Variants in EPG5 observed in about 807,000 individuals in gnomAD.
EPG5 encodes the protein ectopic P granules protein 5 homolog.
In EPG5, 159 loss-of-function variants were observed where a neutral mutation model predicts 302.7. The observed-to-expected ratio is 0.53, with a 90% CI of 0.46 to 0.60. The LOEUF is 0.60. Among genes scored for constraint, EPG5 ranks in the 20% least tolerant of loss-of-function variants. The pLI is 0.00. For missense variants in EPG5, 2,896 were observed against 3,092.4 expected (o/e 0.94, Z 1.51); for synonymous variants, 1,158 against 1,136.8 (o/e 1.02, Z -0.37).
chr18:45,933,355 CAGAAACAGAAGAATAAAGACATCA>C (rs1419190911), intron 11 of EPG5, among the ~76,000 whole-genome samples: 2 of 152,108 alleles, frequency 1.3e-5, no homozygotes, highest in African/African-American at 4.8e-5. Context: ...AAGAAAAAAA[CAGAAACAGAAGAATAAAGACATCA>C]AGAGAGACAG....
the EPG5 span, among the ~76,000 whole-genome samples, chr18:45,822,929 G>A: frequency 0.41 from 62,081 of 151,968 alleles, 13,020 homozygotes; most frequent in East Asian, 0.55. Flanking sequence ...CTTGGTGAGG[G>A]AGACGTAAAG....
At chr18:45,897,561 G>A (rs955453851) in intron 27 of EPG5, among the ~76,000 whole-genome samples, 4 of 152,096 alleles carry the variant, frequency 2.6e-5, no homozygotes, top group Admixed American at 6.6e-5. Flanking sequence ...AACAGCATTA[G>A]TAACTGGGAA....
the EPG5 span, among the ~76,000 whole-genome samples, chr18:45,818,953 C>T: frequency 2.0e-5 from 3 of 152,004 alleles, no homozygotes; most frequent in Non-Finnish European, 1.5e-5. Flanking sequence ...AGGCTGGTTT[C>T]GAAATGCTGA....
At chr18:45,924,472 C>T (rs2050226375) in intron 14 of EPG5, among the ~76,000 whole-genome samples, 1 of 152,222 alleles carries the variant, frequency 6.6e-6, no homozygotes, top group Non-Finnish European at 1.5e-5. Context: ...CAACAGGTAT[C>T]ATGCTGTCCA....
chr18:45,803,223 A>G, the EPG5 span, among the ~76,000 whole-genome samples: 1 of 152,216 alleles, frequency 6.6e-6, no homozygotes, highest in East Asian at 1.9e-4. Flanking sequence ...CCATTTTACT[A>G]TGTGACAGTC....
At chr18:45,846,546 A>G (rs1157764574), downstream of EPG5, among the ~76,000 whole-genome samples, 2 of 149,836 alleles carry the variant, frequency 1.3e-5, no homozygotes, top group Non-Finnish European at 3.0e-5. Flanking sequence ...AAAAAAAAAA[A>G]AGATCTCGGG....
intron 34 of EPG5, among the ~76,000 whole-genome samples, chr18:45,877,355 G>A (rs527282475): frequency 6.6e-6 from 1 of 152,184 alleles, no homozygotes; most frequent in Non-Finnish European, 1.5e-5. Context: ...GGAGGCAGAG[G>A]TTGCAGTGAG....
Position 45,904,862 on chromosome 18 carries a change from C to T in EPG5, c.4330-745G>A, listed in dbSNP as rs2049709040. 3.3e-5 allele frequency among the ~76,000 whole-genome samples: 5 copies of T among 152,046 alleles called. No individual in the cohort carries two copies. The South Asian group carries it at 1.0e-3, about 32-fold the overall frequency. Reference sequence around the variant, plus strand: ...ATTGGGTTATGTCATTTTTTTATCCCTATCTTTTAAAATCTTCATGCATCA... The same window carrying T: ...ATTGGGTTATGTCATTTTTTTATCCTTATCTTTTAAAATCTTCATGCATCA... On this transcript the variant is annotated intron_variant, in intron 24 of 43. Coordinates refer to ENST00000282041, the MANE Select transcript of EPG5 (RefSeq NM_020964.3).
At chr18:45,946,218 T>C (rs2050782076) in intron 7 of EPG5, among the ~76,000 whole-genome samples, 1 of 152,234 alleles carries the variant, frequency 6.6e-6, no homozygotes. Flanking sequence ...AAGAAGTTTA[T>C]GAGTTAAGGG....
chr18:45,857,796 A>G lies in EPG5; in HGVS notation c.7442+57T>C. On this transcript the variant is annotated intron_variant, in intron 42 of 43. Transcript: ENST00000282041. ...CTGAAGTATATCACAACCTGTAAGT[A>G]GGTACAGATGTCTGAGGCCTATTTA... is the stretch of plus-strand genomic sequence containing the variant. 4 of 1,391,722 alleles carry G rather than the reference A, an allele frequency of 2.9e-6. No individual in the cohort carries two copies. In the South Asian group the frequency reaches 4.6e-5, roughly 16 times the overall value. 86.2% of individuals were successfully genotyped at this position (1,391,722 alleles called of 1,614,324 possible).
the EPG5 span, among the ~76,000 whole-genome samples, chr18:45,804,544 G>T: frequency 6.6e-5 from 10 of 152,138 alleles, no homozygotes; most frequent in Non-Finnish European, 1.3e-4. Context: ...ACACAGAGGA[G>T]AATAATGAGT....
At chr18:45,956,669 G>C (rs985981711) in intron 1 of EPG5, among the ~76,000 whole-genome samples, 1 of 151,750 alleles carries the variant, frequency 6.6e-6, no homozygotes, top group Non-Finnish European at 1.5e-5. Flanking sequence ...TCCTGACCTC[G>C]TGATCCGTCC....
chr18:45,959,249 G>A (rs1406863456), intron 1 of EPG5, among the ~76,000 whole-genome samples: 1 of 152,158 alleles, frequency 6.6e-6, no homozygotes, highest in Non-Finnish European at 1.5e-5. Flanking sequence ...GCTGAGGCAG[G>A]AGAATTGCTT....
At chr18:45,927,590 T>TTA (rs1231714347) in intron 13 of EPG5, among the ~76,000 whole-genome samples, 1,010 of 38,618 alleles carry the variant, frequency 0.026, 8 homozygotes, top group Middle Eastern at 0.096. Flanking sequence ...AAACAAAAAG[T>TTA]TATACACACA....
rs752923334 is a variant in EPG5 at position 45,934,906 on chromosome 18, C to T, written c.2160G>A (p.Leu720=). Residue 720 remains leucine, a synonymous_variant, in exon 11 of 44, where the codon CTG becomes CTA. Transcript: ENST00000282041. ...MPFGTLSVQM[L]WKLFYLMHQV... Reference sequence around the variant, plus strand: ...GGTGCATGAGGTAGAAGAGCTTCCACAGCATTTGCACAGACAGAGTCCCAA... The same window carrying T: ...GGTGCATGAGGTAGAAGAGCTTCCATAGCATTTGCACAGACAGAGTCCCAA... 6.2e-7 allele frequency: 1 copy of T among 1,614,160 alleles called. No individual in the cohort carries two copies. Among genetic ancestry groups the T allele is most frequent in the Non-Finnish European group, 8.5e-7 (1 of 1,180,028 alleles).
chr18:45,923,511 A>G (rs2050201492), intron 14 of EPG5, 124 bp from the exon 15 acceptor site: 1 of 1,018,986 alleles, frequency 9.8e-7, no homozygotes, highest in African/African-American at 1.6e-5. Flanking sequence ...AAATGTTCCA[A>G]AAATCACATC....
At chr18:45,919,247 T>C (rs564331823) in intron 16 of EPG5, among the ~76,000 whole-genome samples, 1 of 152,290 alleles carries the variant, frequency 6.6e-6, no homozygotes, top group South Asian at 2.1e-4. Flanking sequence ...CCAGTACACC[T>C]AATCCCAAAT....
Position 45,917,518 on chromosome 18 carries a change from C to T in EPG5, c.3239+161G>A, listed in dbSNP as rs570225704. On this transcript the variant is annotated intron_variant, in intron 17 of 43. Transcript: ENST00000282041. ...TGGAGTCATTATTAGAATCACTGTT[C>T]ATCAACCTGCATTCTAAACTGGGGT... is the stretch of plus-strand genomic sequence containing the variant. Among the ~76,000 whole-genome samples the T allele has an allele frequency of 1.7e-3, 257 of 152,312 alleles. 2 individuals carry two copies. The highest frequency in any genetic ancestry group is 5.9e-3 in the African/African-American group (245 of 41,570).
chr18:45,891,434 G>A (rs370589126), intron 27 of EPG5, among the ~76,000 whole-genome samples: 1 of 151,238 alleles, frequency 6.6e-6, no homozygotes, highest in East Asian at 2.0e-4. Flanking sequence ...AGGAGGCAGA[G>A]GTTCCAGTGA....
Sources: gnomAD v4.1 joint callset for allele counts (sites outside exome capture counted in the v4.1 genomes callset) on GRCh38, gnomAD v4.1.1 for gene constraint, MANE v1.5 for transcripts, NCBI Gene and HGNC (gene_info 2026-07-23, HGNC 2026-07-21) for gene names.